Variants in DNM1L observed in about 807,000 individuals in gnomAD.
The protein encoded by DNM1L is dynamin 1L.
Under a neutral mutation model 92.8 loss-of-function variants are expected in DNM1L, and 33 were observed. That is an observed-to-expected ratio of 0.36 (90% CI 0.27 to 0.48). The LOEUF (loss-of-function observed/expected upper bound fraction) is 0.48, where lower values mean the gene tolerates loss of function less well. Ranked by LOEUF, DNM1L falls within the 20% of genes least tolerant of loss-of-function variation. DNM1L has a pLI of 0.99. For missense variants in DNM1L, 485 were observed against 888.8 expected (o/e 0.55, Z 5.78); for synonymous variants, 284 against 305.0 (o/e 0.93, Z 0.72).
rs1252576714 is a variant in DNM1L, at chr12:32,727,318, G to A, written c.1080-3696G>A. 4.6e-6 allele frequency: 4 copies of A among 875,284 alleles called. No individual in the cohort carries two copies. In the Admixed American group the frequency reaches 6.8e-5, roughly 15 times the overall value. The allele number at this position is 875,284 out of a possible 1,614,324, so 54.2% of individuals were successfully genotyped here. Reference sequence around the variant, plus strand: ...GCACCTTTAACTTGCAGGTTTTTGAGAGCATTCACTCCTCTTTTAACTACC... The same window carrying A: ...GCACCTTTAACTTGCAGGTTTTTGAAAGCATTCACTCCTCTTTTAACTACC... On this transcript the variant is annotated intron_variant, in intron 9 of 19. Transcript: ENST00000549701.
At chr12:32,724,363 G>T (rs1953962846) in intron 9 of DNM1L, among the ~76,000 whole-genome samples, 1 of 151,700 alleles carries the variant, frequency 6.6e-6, no homozygotes, top group African/African-American at 2.4e-5. Flanking sequence ...AGATTACGAG[G>T]TCGAGAGATC....
At chr12:32,703,614 CA>C (rs61051514) in intron 2 of DNM1L, among the ~76,000 whole-genome samples, 22,162 of 86,874 alleles carry the variant, frequency 0.26, 1,696 homozygotes, top group African/African-American at 0.32. Context: ...CATAAACTTT[CA>C]AAAAAAAAAA....
rs1592702789 is a variant in DNM1L, at chr12:32,744,678, A to C, written c.*1268A>C. ...TGGTGAGCTAAGATCGTGCCATTGC[A>C]CTCCAGCCTTGGCAACAAGAGCGAA... On this transcript the variant is annotated 3_prime_UTR_variant, in exon 20 of 20. Transcript: ENST00000549701. 2.9e-6 allele frequency: 1 copy of C among 349,916 alleles called. No individual in the cohort carries two copies. The highest frequency in any genetic ancestry group is 5.4e-6 in the Non-Finnish European group (1 of 183,594). 21.7% of individuals were successfully genotyped at this position (349,916 alleles called of 1,614,324 possible).
chr12:32,724,675 A>C (rs1954018179), intron 9 of DNM1L, among the ~76,000 whole-genome samples: 1 of 139,394 alleles, frequency 7.2e-6, no homozygotes, highest in African/African-American at 2.7e-5. Context: ...AAAAATAATA[A>C]TATATATAAT....
intron 1 of DNM1L, among the ~76,000 whole-genome samples, chr12:32,681,478 G>A (rs1369312044): frequency 1.3e-5 from 2 of 151,998 alleles, no homozygotes; most frequent in Non-Finnish European, 2.9e-5. Flanking sequence ...CTGAGCCTGG[G>A]AGGTTGAGGC....
intron 6 of DNM1L, among the ~76,000 whole-genome samples, chr12:32,717,384 A>AC (rs1953488872): frequency 1.5e-5 from 1 of 65,264 alleles, no homozygotes; most frequent in East Asian, 3.2e-4. Context: ...ACTATATATA[A>AC]TATATAGTAT....
intron 9 of DNM1L, chr12:32,726,586 C>G: frequency 8.4e-7 from 1 of 1,190,788 alleles, no homozygotes. Context: ...ATTTTGAAGT[C>G]TGCAGCAAGG....
chr12:32,730,679 T>C (rs1299068655), intron 9 of DNM1L, among the ~76,000 whole-genome samples: 1 of 152,184 alleles, frequency 6.6e-6, no homozygotes, highest in Non-Finnish European at 1.5e-5. Context: ...TGTGAATCAA[T>C]GGAAATAAAT....
intron 6 of DNM1L, among the ~76,000 whole-genome samples, chr12:32,714,837 A>C (rs999624217): frequency 6.0e-5 from 9 of 150,238 alleles, no homozygotes; most frequent in African/African-American, 2.2e-4. Context: ...AAAAAAAAAA[A>C]CCACAAAAAA....
intron 1 of DNM1L, 32 bp downstream of exon 1, chr12:32,679,497 A>C: frequency 1.3e-6 from 2 of 1,588,196 alleles, no homozygotes; most frequent in Non-Finnish European, 1.7e-6. Context: ...CGCTCGGGCC[A>C]GACCCCGGCC....
At chr12:32,739,981 G>T in intron 16 of DNM1L, 83 bp from the exon 17 acceptor site, 1 of 1,568,978 alleles carries the variant, frequency 6.4e-7, no homozygotes, top group South Asian at 1.1e-5. Context: ...GATGTATATT[G>T]ACTACTGTCA....
Position 32,720,678 on chromosome 12 carries a change from T to C in DNM1L, c.755T>C (p.Ile252Thr). The C allele has an allele frequency of 6.2e-7, 1 of 1,613,874 alleles. No homozygotes were observed. The highest frequency in any genetic ancestry group is 8.5e-7 in the Non-Finnish European group (1 of 1,179,868). Residue 252 changes from isoleucine (I) to threonine (T), a missense_variant, in exon 8 of 20, where the codon ATT (isoleucine) becomes ACT (threonine). Ile to Thr is a moderately conservative substitution (Grantham distance 89). Transcript: ENST00000549701. ...IGVVNRSQLD[I>T]NNKKSVTDSI... ...TTCAACCTCAGGAGCCAGCTAGATA[T>C]TAACAACAAGAAGAGTGTAACTGAT...
intron 15 of DNM1L, 137 bp from the exon 16 acceptor site, chr12:32,738,127 G>A (rs2137571429): frequency 8.9e-7 from 1 of 1,125,120 alleles, no homozygotes; most frequent in Middle Eastern, 2.9e-4. Flanking sequence ...TTGTTGACAT[G>A]CTTTTGCTTG....
At chr12:32,739,138 T>G (rs1955106840) in intron 16 of DNM1L, among the ~76,000 whole-genome samples, 1 of 150,002 alleles carries the variant, frequency 6.7e-6, no homozygotes, top group African/African-American at 2.5e-5. Context: ...GTAGTTCACC[T>G]TAACTGACAT....
At chr12:32,716,242 T>TGC (rs1555120114) in intron 6 of DNM1L, among the ~76,000 whole-genome samples, 4 of 147,854 alleles carry the variant, frequency 2.7e-5, no homozygotes, top group Non-Finnish European at 4.5e-5. Flanking sequence ...GAAAATTTGG[T>TGC]GGGGGGGGGT....
At position 32,743,245 on chromosome 12, in the gene DNM1L, GGTTA is replaced by G; in HGVS notation, c.2155-104_2155-101del. 3.2e-6 allele frequency: 3 copies of G among 943,846 alleles called. No homozygotes were observed. The Admixed American group carries it at 6.1e-5, about 19-fold the overall frequency. The allele number at this position is 943,846 out of a possible 1,614,324, so 58.5% of individuals were successfully genotyped here. A position where few individuals can be genotyped will look rare whatever the true frequency, so the allele number is the denominator to read the frequency against. On this transcript the variant is annotated intron_variant, in intron 19 of 19. Transcript: ENST00000549701. ...GAGAAGATATTGGTTAGTATAAACT[GGTTA>G]GTTATAAACCTACCACATATATATT...
In DNM1L at chr12:32,744,794, G is replaced by GTGA. The variant is rs1350031040; in HGVS notation, c.*1388_*1390dup. On this transcript the variant is annotated 3_prime_UTR_variant, in exon 20 of 20. Transcript: ENST00000549701. ...AGACCTAAGCTGCATTTATGGGGTA[G>GTGA]TGATGAGGTTTAGAACATATACATA... 4.4e-6 allele frequency: 2 copies of GTGA among 455,466 alleles called. No homozygotes were observed. Among genetic ancestry groups the GTGA allele is most frequent in the Non-Finnish European group, 8.8e-6 (2 of 227,592 alleles). 28.2% of individuals were successfully genotyped at this position (455,466 alleles called of 1,614,324 possible).
chr12:32,741,735 A>C (rs370363630), intron 18 of DNM1L, among the ~76,000 whole-genome samples: 9 of 152,352 alleles, frequency 5.9e-5, no homozygotes, highest in Admixed American at 6.5e-5. Flanking sequence ...ATGTTTAGAT[A>C]CACAAATACT....
intron 1 of DNM1L, among the ~76,000 whole-genome samples, chr12:32,697,098 A>G (rs766531288): frequency 3.5e-4 from 53 of 151,838 alleles, no homozygotes; most frequent in Non-Finnish European, 6.6e-4. Context: ...GTGTGGTGGC[A>G]TGTACCTGTA....
Sources: allele counts gnomAD v4.1 joint callset (sites outside exome capture counted in the v4.1 genomes callset), GRCh38; gene constraint gnomAD v4.1.1; transcripts MANE v1.5; gene names NCBI Gene and HGNC (gene_info 2026-07-23, HGNC 2026-07-21).